The following IFNG-AS1 variants were observed in gnomAD, a reference collection of about 807,000 sequenced individuals.
IFNG-AS1 encodes the protein IFNG antisense RNA 1 (non-protein coding).
At chr12:68,003,920 AAG>A (rs1464554546) in intron 2 of IFNG-AS1, among the ~76,000 whole-genome samples, 4 of 152,036 alleles carry the variant, frequency 2.6e-5, no homozygotes, top group Non-Finnish European at 5.9e-5. Flanking sequence ...AAAAAAAAAA[AAG>A]AATCCGTATT....
intron 2 of IFNG-AS1, among the ~76,000 whole-genome samples, chr12:68,004,296 A>T (rs1477083103): frequency 6.6e-6 from 1 of 152,194 alleles, no homozygotes; most frequent in Non-Finnish European, 1.5e-5. Context: ...GGGCTCCCCC[A>T]TGATGCATTT....
At chr12:68,003,584 C>T (rs1469701416) in intron 2 of IFNG-AS1, among the ~76,000 whole-genome samples, 1 of 152,164 alleles carries the variant, frequency 6.6e-6, no homozygotes, top group African/African-American at 2.4e-5. Context: ...TTCCTCCTTT[C>T]CCAAGCTTCA....
intron 2 of IFNG-AS1, among the ~76,000 whole-genome samples, chr12:67,999,339 CT>C (rs982241860): frequency 1.3e-5 from 2 of 152,112 alleles, no homozygotes; most frequent in African/African-American, 4.8e-5. Flanking sequence ...CTAGATCTTG[CT>C]TTCTAGATGA....
chr12:67,998,051 T>A (rs1263717728), intron 2 of IFNG-AS1, among the ~76,000 whole-genome samples: 3 of 151,674 alleles, frequency 2.0e-5, no homozygotes, highest in African/African-American at 7.3e-5. Context: ...TGTCAAGTGG[T>A]ACAAGCTTTA....
intron 3 of IFNG-AS1, among the ~76,000 whole-genome samples, chr12:68,016,946 A>G (rs1880169733): frequency 6.6e-6 from 1 of 152,184 alleles, no homozygotes; most frequent in Non-Finnish European, 1.5e-5. Context: ...TCCTCATGGA[A>G]CTTTCAAGCT....
chr12:68,020,257 G>A (rs547034272), intron 4 of IFNG-AS1: 1 of 152,262 alleles, frequency 6.6e-6, no homozygotes, highest in East Asian at 1.9e-4. Context: ...AATGTCACAT[G>A]TCACATGCCG....
chr12:68,007,688 T>C (rs1325769188), intron 3 of IFNG-AS1, among the ~76,000 whole-genome samples: 1 of 152,180 alleles, frequency 6.6e-6, no homozygotes, highest in Non-Finnish European at 1.5e-5. Flanking sequence ...CATGTTATTT[T>C]CAAGGAATTG....
In IFNG-AS1 at chr12:68,010,904, G is replaced by C. The variant is rs537868999; in HGVS notation, n.241+4758G>C. On this transcript the variant is annotated intron_variant and non_coding_transcript_variant, in intron 3 of 5. Transcript: ENST00000536914. ...AAAGGAGGATGGTGACAATTTCCTA[G>C]GTTCAAATAATAGTTACTCTTTCTT... is the stretch of plus-strand genomic sequence containing the variant. 2.6e-5 allele frequency among the ~76,000 whole-genome samples: 4 copies of C among 152,252 alleles called. No homozygotes were observed. In the East Asian group the frequency reaches 7.7e-4, roughly 29 times the overall value.
At chr12:68,019,653 A>C (rs868371095) in intron 3 of IFNG-AS1, among the ~76,000 whole-genome samples, 4 of 152,140 alleles carry the variant, frequency 2.6e-5, no homozygotes, top group South Asian at 2.1e-4. Context: ...CAACTTGTAC[A>C]CTCACAATGT....
At chr12:68,015,081 A>G (rs1379404046) in intron 3 of IFNG-AS1, among the ~76,000 whole-genome samples, 3 of 152,176 alleles carry the variant, frequency 2.0e-5, no homozygotes, top group Admixed American at 1.3e-4. Context: ...GGCATGGCCC[A>G]GGGCAGAGAA....
chr12:68,003,984 A>G (rs1337937824), intron 2 of IFNG-AS1, among the ~76,000 whole-genome samples: 3 of 140,580 alleles, frequency 2.1e-5, no homozygotes, highest in African/African-American at 8.2e-5. Flanking sequence ...AACAGTTTGT[A>G]AGCTTTGCTG....
At chr12:67,992,068 CTG>C (rs200597448) in intron 1 of IFNG-AS1, among the ~76,000 whole-genome samples, 2,891 of 152,300 alleles carry the variant, frequency 0.019, 31 homozygotes, top group Non-Finnish European at 0.029. Context: ...CTCTTTCTCT[CTG>C]TCTCTGTATC....
At chr12:68,017,638 C>A (rs562817858) in intron 3 of IFNG-AS1, among the ~76,000 whole-genome samples, 1 of 152,252 alleles carries the variant, frequency 6.6e-6, no homozygotes, top group East Asian at 1.9e-4. Flanking sequence ...CAAGGGGAGG[C>A]ACTAAATCCC....
intron 2 of IFNG-AS1, among the ~76,000 whole-genome samples, chr12:68,001,243 C>T (rs745384766): frequency 1.3e-5 from 2 of 152,116 alleles, no homozygotes; most frequent in Non-Finnish European, 2.9e-5. Context: ...ACTGAACCAA[C>T]CTAGTGCAGG....
chr12:67,993,054 G>A (rs1879552278), intron 1 of IFNG-AS1, among the ~76,000 whole-genome samples: 1 of 152,176 alleles, frequency 6.6e-6, no homozygotes, highest in Non-Finnish European at 1.5e-5. Context: ...TCCTGTCCTT[G>A]TGCAGTGCTG....
At chr12:68,007,223 A>G (rs1592825544) in intron 3 of IFNG-AS1, among the ~76,000 whole-genome samples, 1 of 152,300 alleles carries the variant, frequency 6.6e-6, no homozygotes, top group African/African-American at 2.4e-5. Flanking sequence ...CTCCATTCAT[A>G]GGATTATTTT....
At chr12:68,015,325 C>T (rs1880125928) in intron 3 of IFNG-AS1, among the ~76,000 whole-genome samples, 1 of 152,102 alleles carries the variant, frequency 6.6e-6, no homozygotes, top group South Asian at 2.1e-4. Flanking sequence ...CAGAGGAAAG[C>T]TGCAAACAAG....
In IFNG-AS1 at chr12:68,002,801, A is replaced by G. The variant is rs866250275; in HGVS notation, n.185-3289A>G. Among the ~76,000 whole-genome samples, 4 of 152,240 alleles carry G rather than the reference A, an allele frequency of 2.6e-5. No homozygotes were observed. In the East Asian group the frequency reaches 7.7e-4, roughly 29 times the overall value. On this transcript the variant is annotated intron_variant and non_coding_transcript_variant, in intron 2 of 5. Transcript: ENST00000536914. ...AATTAACATGATATTACTATATCCA[A>G]AGGAGCCTTCCTGGGTTTGAGGATA...
At chr12:68,007,751 G>T (rs770389648) in intron 3 of IFNG-AS1, among the ~76,000 whole-genome samples, 1 of 152,122 alleles carries the variant, frequency 6.6e-6, no homozygotes, top group African/African-American at 2.4e-5. Flanking sequence ...AAATACTTTT[G>T]GGAAGGCTAC....
Sources: gnomAD v4.1 joint callset for allele counts (sites outside exome capture counted in the v4.1 genomes callset) on GRCh38, gnomAD v4.1.1 for gene constraint, MANE v1.5 for transcripts, NCBI Gene and HGNC (gene_info 2026-07-23, HGNC 2026-07-21) for gene names.